The following COL5A1 variants were observed in gnomAD, a reference collection of about 807,000 sequenced individuals.
COL5A1 encodes the protein collagen type V alpha 1 chain, also known as collagen alpha-1(V) chain.
COL5A1 carries 16 observed loss-of-function variants against 263.7 expected under a neutral mutation model. The observed-to-expected ratio is 0.06, with a 90% CI of 0.04 to 0.09. The LOEUF (loss-of-function observed/expected upper bound fraction) is 0.09, where lower values mean the gene tolerates loss of function less well. COL5A1 is among the 10% of genes least tolerant of loss of function. The pLI, the probability that COL5A1 is intolerant of heterozygous loss-of-function variation, is 1.00. For synonymous variants in COL5A1, 1,012 were observed against 1,004.5 expected (o/e 1.01, Z -0.14); for missense variants, 2,036 against 2,540.5 (o/e 0.80, Z 4.27).
rs1194986764 is a variant in COL5A1 at position 134,789,551 on chromosome 9, T to C, written c.2700+343T>C. On this transcript the variant is annotated intron_variant, in intron 32 of 65. Transcript: ENST00000371817. This position sits in a 1 kb window ranked among gnomAD's most constrained non-coding sequence, Gnocchi z 4.8. ...CAAGTGGGCTTTTCCTCCAAGCTAA[T>C]TTTAAAAGGAAGGGAAAAAGGAGAT... 6.6e-6 allele frequency among the ~76,000 whole-genome samples: 1 copy of C among 152,230 alleles called. No individual in the cohort carries two copies. The highest frequency in any genetic ancestry group is 1.5e-5 in the Non-Finnish European group (1 of 68,034).
chr9:134,728,820 C>A lies in COL5A1; in HGVS notation c.924+13C>A. On this transcript the variant is annotated intron_variant, in intron 6 of 65. Coordinates refer to ENST00000371817, the MANE Select transcript of COL5A1 (RefSeq NM_000093.5). ...AGAGGTCCCCGAGGTCTGGGCTGAG[C>A]GGGGGACTGGGTTGGGCTGGGCCCC... 1 of 1,613,884 alleles carries A rather than the reference C, an allele frequency of 6.2e-7. No individual in the cohort carries two copies. The highest frequency in any genetic ancestry group is 8.5e-7 in the Non-Finnish European group (1 of 1,179,990).
Position 134,755,554 on chromosome 9 carries a change from T to A in COL5A1, c.1828-1211T>A, listed in dbSNP as rs1466407754. ...TGGTCTGAGCAGCCTCTTCCATTCT[T>A]TGCTAGCATTTCCTGCAAGGAACGC... On this transcript the variant is annotated intron_variant, in intron 16 of 65. Transcript: ENST00000371817. This position sits in a 1 kb window ranked among gnomAD's most constrained non-coding sequence, Gnocchi z 4.1. Among the ~76,000 whole-genome samples the A allele has an allele frequency of 6.6e-6, 1 of 152,256 alleles. No individual in the cohort carries two copies. Among genetic ancestry groups the A allele is most frequent in the Non-Finnish European group, 1.5e-5 (1 of 68,038 alleles).
Position 134,729,160 on chromosome 9 carries a change from GGAGAGGA to G in COL5A1, c.924+364_924+370del, listed in dbSNP as rs1403967429. 3.3e-5 allele frequency among the ~76,000 whole-genome samples: 5 copies of G among 152,326 alleles called. No homozygotes were observed. In the South Asian group the frequency reaches 6.2e-4, roughly 19 times the overall value. ...CTTAAGTGTGGGTGCAGCTGTGGTG[GGAGAGGA>G]GAGAGGAGAGCTCAGGGGCTCCCCC... is the stretch of plus-strand genomic sequence containing the variant. On this transcript the variant is annotated intron_variant, in intron 6 of 65. Coordinates refer to ENST00000371817, the MANE Select transcript of COL5A1 (RefSeq NM_000093.5).
rs559588659 is a variant in COL5A1 at position 134,823,044 on chromosome 9, T to C, written c.4644+11T>C. On this transcript the variant is annotated intron_variant, in intron 60 of 65. Transcript: ENST00000371817. ...GCTAAGGGCTCCTCGGTAAGTAACA[T>C]GCTGCCCAGCCAGGCCAATGCCTGG... The C allele has an allele frequency of 1.4e-5, 23 of 1,613,922 alleles. No homozygotes were observed. Among genetic ancestry groups the C allele is most frequent in the South Asian group, 1.2e-4 (11 of 91,066 alleles).
At chr9:134,762,111 A>C in intron 19 of COL5A1, 133 bp downstream of exon 19, 1 of 882,518 alleles carries the variant, frequency 1.1e-6, no homozygotes, top group Non-Finnish European at 1.9e-6. Context: ...GGGAGAAGGC[A>C]GATGGGGATT....
At chr9:134,668,443 G>C (rs1564375721) in intron 1 of COL5A1, among the ~76,000 whole-genome samples, 2 of 151,362 alleles carry the variant, frequency 1.3e-5, no homozygotes, top group East Asian at 3.9e-4. Context: ...ATTTAGCTTG[G>C]CTATCACTCA....
intron 1 of COL5A1, among the ~76,000 whole-genome samples, chr9:134,643,159 A>G (rs1831358761): frequency 6.6e-6 from 1 of 151,284 alleles, no homozygotes. Context: ...CGAGGGTTCA[A>G]CTCTCCCTGG....
At chr9:134,819,655 A>G (rs1229918814) in intron 57 of COL5A1, among the ~76,000 whole-genome samples, 1 of 152,224 alleles carries the variant, frequency 6.6e-6, no homozygotes, top group Non-Finnish European at 1.5e-5. Flanking sequence ...ACAAACATAG[A>G]CAGCGAGTGT....
chr9:134,693,213 C>T (rs1376457651), intron 2 of COL5A1, among the ~76,000 whole-genome samples: 3 of 152,084 alleles, frequency 2.0e-5, no homozygotes, highest in Non-Finnish European at 4.4e-5. Context: ...TGTCTGTTTC[C>T]GGCTTTTAAC....
intron 28 of COL5A1, among the ~76,000 whole-genome samples, chr9:134,780,830 G>C (rs546630178): frequency 4.0e-4 from 61 of 152,244 alleles, no homozygotes; most frequent in African/African-American, 1.4e-3. Flanking sequence ...CAAATCCAAG[G>C]CCCAGTTATG....
chr9:134,843,899 C>G lies in COL5A1; in HGVS notation c.*1596C>G, dbSNP rs902462108. ...GATGCGAGCGTCAGCGGCTCCAGAGCTCGGGGCGGGTGAGGTCCCCTTTGG... is the reference window on the plus strand; with the variant it reads ...GATGCGAGCGTCAGCGGCTCCAGAGGTCGGGGCGGGTGAGGTCCCCTTTGG... On this transcript the variant is annotated 3_prime_UTR_variant, in exon 66 of 66. Coordinates refer to ENST00000371817, the MANE Select transcript of COL5A1 (RefSeq NM_000093.5). The G allele has an allele frequency of 6.6e-6, 1 of 152,524 alleles. No homozygotes were observed. 9.4% of individuals were successfully genotyped at this position (152,524 alleles called of 1,614,324 possible). A position where few individuals can be genotyped will look rare whatever the true frequency, so the allele number is the denominator to read the frequency against.
rs774351619 is a variant in COL5A1 at position 134,801,987 on chromosome 9, C to A, written c.2986C>A (p.Pro996Thr). The change falls in exon 38 of 66, where the codon CCC becomes ACC. Residue 996 changes from proline (P) to threonine (T), a missense_variant. Around this residue, in one of 3 missense-constraint regions of COL5A1, gnomAD observed 1,078 missense variants for 1,521.4 expected, o/e 0.71. Coordinates refer to ENST00000371817, the MANE Select transcript of COL5A1 (RefSeq NM_000093.5). Reference sequence around the variant, plus strand: ...AGGCAAGACCGGCCCTCCAGGCCCCCCCGGCGTGGTCGGCCCTCAGGTAAG... The same window carrying A: ...AGGCAAGACCGGCCCTCCAGGCCCCACCGGCGTGGTCGGCCCTCAGGTAAG... Reference protein sequence around the residue: ...FQGKTGPPGPPGVVGPQGPTG... With the variant: ...FQGKTGPPGPTGVVGPQGPTG... 9 of 1,613,322 alleles carry A rather than the reference C, an allele frequency of 5.6e-6. No homozygotes were observed. The highest frequency in any genetic ancestry group is 1.3e-5 in the African/African-American group (1 of 74,946).
At chr9:134,692,690 C>T (rs1298540785) in intron 2 of COL5A1, among the ~76,000 whole-genome samples, 1 of 152,210 alleles carries the variant, frequency 6.6e-6, no homozygotes, top group Non-Finnish European at 1.5e-5. Context: ...GGGCACCACA[C>T]ACTCACTGGA....
chr9:134,734,521 G>A (rs1471870759), intron 9 of COL5A1, among the ~76,000 whole-genome samples: 2 of 152,240 alleles, frequency 1.3e-5, no homozygotes, highest in Admixed American at 6.5e-5. Flanking sequence ...GGGGCCCTGC[G>A]GGCGTCCCGG....
chr9:134,669,907 C>T (rs777936548), intron 1 of COL5A1, among the ~76,000 whole-genome samples: 11 of 152,190 alleles, frequency 7.2e-5, no homozygotes, highest in Non-Finnish European at 1.2e-4. Flanking sequence ...GATTCAGAGA[C>T]GCAACTCATT....
rs1839019702 is a variant in COL5A1 at position 134,821,957 on chromosome 9, C to T, written c.4555-140C>T. 2 of 774,898 alleles carry T rather than the reference C, an allele frequency of 2.6e-6. No individual in the cohort carries two copies. The highest frequency in any genetic ancestry group is 2.5e-5 in the East Asian group (1 of 40,436). 48.0% of individuals were successfully genotyped at this position (774,898 alleles called of 1,614,324 possible). The stretch of plus-strand genomic sequence containing the variant: ...ACAGCCCAGGATCAGAAAGCAGCCA[C>T]AGGAGGCTGCTGAGGGGCCAAAGGG... On this transcript the variant is annotated intron_variant, in intron 58 of 65. Coordinates refer to ENST00000371817, the MANE Select transcript of COL5A1 (RefSeq NM_000093.5). The surrounding 1 kb of genome is among the most constrained non-coding windows in gnomAD (Gnocchi z 4.2).
intron 41 of COL5A1, among the ~76,000 whole-genome samples, chr9:134,805,882 G>T (rs868572019): frequency 6.6e-6 from 1 of 152,094 alleles, no homozygotes; most frequent in South Asian, 2.1e-4. Context: ...GAGAGAGGGT[G>T]CCCCGTGGGC....
At position 134,681,382 on chromosome 9, in the gene COL5A1, T is replaced by A. The variant is rs1456464031; in HGVS notation, c.110-9530T>A. ...AACAATTTCTGCGAGCATCTGCGGG[T>A]GCCGGGCTGTGCGGGGCCCCTGCCC... On this transcript the variant is annotated intron_variant, in intron 1 of 65. Transcript: ENST00000371817. The surrounding 1 kb of genome is among the most constrained non-coding windows in gnomAD (Gnocchi z 4.3). Among the ~76,000 whole-genome samples, 1 of 152,206 alleles carries A rather than the reference T, an allele frequency of 6.6e-6. No individual in the cohort carries two copies. The highest frequency in any genetic ancestry group is 6.5e-5 in the Admixed American group (1 of 15,290).
Position 134,835,171 on chromosome 9 carries a change from C to G in COL5A1, c.5337C>G (p.Asn1779Lys), listed in dbSNP as rs1839806369. Residue 1779 changes from asparagine (N) to lysine (K), a missense_variant, in exon 65 of 66, where the codon AAC (asparagine) becomes AAG (lysine). This residue lies in a region of COL5A1 where 358 missense variants were observed against 384.6 expected (regional missense o/e 0.93). Transcript: ENST00000371817. ...SNDEEMSYDNNPYIRALVDGC... is the reference protein window; with the variant it reads ...SNDEEMSYDNKPYIRALVDGC... ...ACGAGGAGATGTCCTATGACAACAACCCCTACATCCGCGCCCTGGTGGACG... is the reference window on the plus strand; with the variant it reads ...ACGAGGAGATGTCCTATGACAACAAGCCCTACATCCGCGCCCTGGTGGACG... 1.2e-6 allele frequency: 2 copies of G among 1,613,692 alleles called. No homozygotes were observed. The highest frequency in any genetic ancestry group is 1.7e-6 in the Non-Finnish European group (2 of 1,180,042).
Sources: allele counts gnomAD v4.1 joint callset (sites outside exome capture counted in the v4.1 genomes callset), GRCh38; gene constraint gnomAD v4.1.1; regional missense constraint gnomAD v4.1.1; non-coding constraint Gnocchi (gnomAD v3.1); transcripts MANE v1.5; gene names NCBI Gene and HGNC (gene_info 2026-07-23, HGNC 2026-07-21).